Variants in LUZP2 observed in about 807,000 individuals in gnomAD.
LUZP2 encodes leucine zipper protein 2.
In LUZP2, 52 loss-of-function variants were observed where a neutral mutation model predicts 51.6. The observed-to-expected ratio is 1.01, with a 90% CI of 0.81 to 1.27. The LOEUF is 1.27. LUZP2 is among the 50% of genes most tolerant of loss of function. LUZP2 has a pLI of 0.00. For missense variants in LUZP2, 436 were observed against 395.4 expected (o/e 1.10, Z -0.87); for synonymous variants, 154 against 137.3 (o/e 1.12, Z -0.85).
In LUZP2 at chr11:24,606,737, G is replaced by A. The variant is rs12225225; in HGVS notation, c.62+109432G>A. On this transcript the variant is annotated intron_variant, in intron 1 of 11. Transcript: ENST00000336930. ...TTGAGGAAACTTCATACTGTTTTTC[G>A]TATTGATTATACCAGTTTACACTTC... Among the ~76,000 whole-genome samples, 8 of 151,918 alleles carry A rather than the reference G, an allele frequency of 5.3e-5. No homozygotes were observed. The East Asian group carries it at 5.8e-4, about 11-fold the overall frequency.
At chr11:24,602,246 A>ACATATATGTGTATATG (rs1853738331) in intron 1 of LUZP2, among the ~76,000 whole-genome samples, 1 of 141,808 alleles carries the variant, frequency 7.1e-6, no homozygotes, top group Non-Finnish European at 1.5e-5. Context: ...GTATATATGT[A>ACATATATGTGTATATG]TATATATGCA....
At chr11:24,619,903 G>A (rs1425695993) in intron 1 of LUZP2, among the ~76,000 whole-genome samples, 1 of 152,100 alleles carries the variant, frequency 6.6e-6, no homozygotes, top group Non-Finnish European at 1.5e-5. Flanking sequence ...TATAGAACCT[G>A]CAGATAAGGA....
At chr11:24,844,255 G>A (rs1305403951) in intron 5 of LUZP2, among the ~76,000 whole-genome samples, 2 of 152,174 alleles carry the variant, frequency 1.3e-5, no homozygotes, top group Non-Finnish European at 2.9e-5. Context: ...AACTTGTTGG[G>A]AACTGGAGCA....
At chr11:24,570,951 T>C (rs958909132) in intron 1 of LUZP2, among the ~76,000 whole-genome samples, 4 of 152,058 alleles carry the variant, frequency 2.6e-5, no homozygotes, top group African/African-American at 9.7e-5. Flanking sequence ...CAAATACCTA[T>C]GTTCAAATAT....
intron 9 of LUZP2, among the ~76,000 whole-genome samples, chr11:24,995,303 G>T (rs1856458651): frequency 6.6e-6 from 1 of 152,124 alleles, no homozygotes; most frequent in South Asian, 2.1e-4. Flanking sequence ...TGAGGGAGAA[G>T]GATGGCTTCA....
At position 24,557,966 on chromosome 11, in the gene LUZP2, T is replaced by C. The variant is rs76022534; in HGVS notation, c.62+60661T>C. ...TGCCCCATGTGTGTCTGTGAGGGTG[T>C]TTGCAGAGGAGATTGGTGTGTGAGT... On this transcript the variant is annotated intron_variant, in intron 1 of 11. Transcript: ENST00000336930. 3.9e-3 allele frequency among the ~76,000 whole-genome samples: 600 copies of C among 152,174 alleles called. 25 individuals are homozygous for C. In the East Asian group the frequency reaches 0.086, roughly 22 times the overall value.
intron 1 of LUZP2, among the ~76,000 whole-genome samples, chr11:24,524,789 T>G (rs1453507468): frequency 6.6e-6 from 1 of 151,702 alleles, no homozygotes; most frequent in African/African-American, 2.4e-5. Flanking sequence ...TTTAAATTCA[T>G]TCCAAATCAA....
At chr11:24,546,209 G>A (rs1370159421) in intron 1 of LUZP2, among the ~76,000 whole-genome samples, 1 of 151,924 alleles carries the variant, frequency 6.6e-6, no homozygotes, top group Non-Finnish European at 1.5e-5. Context: ...CTTCGATACA[G>A]GATTATATTG....
chr11:25,039,065 T>A (rs960235226), intron 9 of LUZP2, among the ~76,000 whole-genome samples: 4 of 152,174 alleles, frequency 2.6e-5, no homozygotes, highest in Non-Finnish European at 2.9e-5. Flanking sequence ...GTAACCCCCC[T>A]CACCAGGTCC....
chr11:24,615,546 T>C (rs1854258646), intron 1 of LUZP2, among the ~76,000 whole-genome samples: 1 of 152,050 alleles, frequency 6.6e-6, no homozygotes, highest in African/African-American at 2.4e-5. Flanking sequence ...CATTCATCTG[T>C]TGAAAGATAT....
At chr11:24,842,214 T>C (rs1208467186) in intron 5 of LUZP2, among the ~76,000 whole-genome samples, 2 of 149,190 alleles carry the variant, frequency 1.3e-5, no homozygotes, top group Non-Finnish European at 3.0e-5. Context: ...CAATTATATT[T>C]ATATTATTAG....
intron 5 of LUZP2, among the ~76,000 whole-genome samples, chr11:24,831,411 T>A (rs955464786): frequency 6.6e-6 from 1 of 152,158 alleles, no homozygotes; most frequent in Non-Finnish European, 1.5e-5. Context: ...TTAAGTGACA[T>A]TAACATTTTG....
intron 4 of LUZP2, among the ~76,000 whole-genome samples, chr11:24,739,789 C>A (rs2133985903): frequency 6.6e-6 from 1 of 152,184 alleles, no homozygotes; most frequent in African/African-American, 2.4e-5. Flanking sequence ...TGATTGTTGA[C>A]TTTTCAAAGT....
chr11:24,514,284 A>G (rs1850397675), intron 1 of LUZP2, among the ~76,000 whole-genome samples: 1 of 152,162 alleles, frequency 6.6e-6, no homozygotes, highest in Admixed American at 6.5e-5. Context: ...GAGAGAAAGA[A>G]ATAGATGGTG....
Position 25,069,974 on chromosome 11 carries a change from G to A in LUZP2, c.859-7355G>A, listed in dbSNP as rs1859107207. On this transcript the variant is annotated intron_variant, in intron 10 of 11. Coordinates refer to ENST00000336930, the MANE Select transcript of LUZP2 (RefSeq NM_001009909.4). ...CTTATTTATTTAAATAAATACATGA[G>A]CATTAACAGTTCTATTGTTTTCTTT... is the stretch of plus-strand genomic sequence containing the variant. 2.0e-5 allele frequency among the ~76,000 whole-genome samples: 3 copies of A among 151,856 alleles called. No individual in the cohort carries two copies. In the South Asian group the frequency reaches 6.2e-4, roughly 32 times the overall value.
chr11:24,926,637 GTATA>G (rs545404190), intron 7 of LUZP2, among the ~76,000 whole-genome samples: 7 of 135,234 alleles, frequency 5.2e-5, no homozygotes, highest in Non-Finnish European at 7.9e-5. Flanking sequence ...GTGTATATAT[GTATA>G]TATATATATG....
intron 1 of LUZP2, among the ~76,000 whole-genome samples, chr11:24,570,252 T>A (rs1247172319): frequency 1.9e-5 from 1 of 52,466 alleles, no homozygotes; most frequent in Non-Finnish European, 3.9e-5. Flanking sequence ...AAGAGATGTG[T>A]TGATATTTCA....
rs1245581528 is a variant in LUZP2, at chr11:24,811,530, A to C, written c.396+48222A>C. On this transcript the variant is annotated intron_variant, in intron 5 of 11. Transcript: ENST00000336930. ...ACTTTTATTTTAGTTTCAGGAGTAC[A>C]TGTGCAGGTTTGTTACATAGATAAA... 2.0e-5 allele frequency among the ~76,000 whole-genome samples: 3 copies of C among 151,870 alleles called. No homozygotes were observed. In the East Asian group the frequency reaches 5.8e-4, roughly 29 times the overall value.
chr11:24,547,214 A>G (rs909028962), intron 1 of LUZP2, among the ~76,000 whole-genome samples: 1 of 151,674 alleles, frequency 6.6e-6, no homozygotes, highest in Non-Finnish European at 1.5e-5. Flanking sequence ...AAAAAAAAAA[A>G]CTATCCTAAA....
Sources: gnomAD v4.1 joint callset for allele counts (sites outside exome capture counted in the v4.1 genomes callset) on GRCh38, gnomAD v4.1.1 for gene constraint, MANE v1.5 for transcripts, NCBI Gene and HGNC (gene_info 2026-07-23, HGNC 2026-07-21) for gene names.